CCDC158: variants seen among roughly 807,000 people sequenced by gnomAD.
CCDC158 encodes the protein coiled-coil domain-containing protein 158.
In CCDC158, 116 loss-of-function variants were observed where a neutral mutation model predicts 138.6. The ratio of observed to expected loss-of-function variants is 0.84; its 90% CI spans 0.72 to 0.98. The LOEUF (loss-of-function observed/expected upper bound fraction) is 0.98. Ranked by LOEUF, CCDC158 falls within the 50% of genes least tolerant of loss-of-function variation. The pLI is 0.00. For missense variants in CCDC158, 1,265 were observed against 1,306.1 expected (o/e 0.97, Z 0.48); for synonymous variants, 436 against 442.4 (o/e 0.99, Z 0.18).
chr4:76,316,580 C>G (rs1227851), intron 24 of CCDC158, among the ~76,000 whole-genome samples: 1 of 152,010 alleles, frequency 6.6e-6, no homozygotes, highest in Non-Finnish European at 1.5e-5. Context: ...CACTAGTGAT[C>G]TAGACATTCA....
chr4:76,326,196 G>A (rs988891188), intron 22 of CCDC158, among the ~76,000 whole-genome samples, 181 bp from the exon 23 acceptor site: 3 of 152,094 alleles, frequency 2.0e-5, no homozygotes, highest in African/African-American at 7.2e-5. Context: ...TGGGAATAAG[G>A]GTGAACAGAA....
At chr4:76,346,191 C>CA (rs1340037658) in intron 18 of CCDC158, among the ~76,000 whole-genome samples, 1 of 152,094 alleles carries the variant, frequency 6.6e-6, no homozygotes, top group Non-Finnish European at 1.5e-5. Context: ...TAGCCATATA[C>CA]AAAAAACTGA....
chr4:76,401,500 C>A, intron 3 of CCDC158: 1 of 243,010 alleles, frequency 4.1e-6, no homozygotes, highest in Admixed American at 4.8e-5. Context: ...AGAACGCTGG[C>A]AACTAAGAGA....
In CCDC158 at chr4:76,357,529, A is replaced by C; in HGVS notation, c.2021-3T>G. 1 of 1,498,874 alleles carries C rather than the reference A, an allele frequency of 6.7e-7. No homozygotes were observed. The highest frequency in any genetic ancestry group is 1.4e-5 in the South Asian group (1 of 72,490). The allele number at this position is 1,498,874 out of a possible 1,614,324, so 92.8% of individuals were successfully genotyped here. A position where few individuals can be genotyped will look rare whatever the true frequency, so the allele number is the denominator to read the frequency against. ...CCTTTTTAAGACTTCATACTCCTCT[A>C]TACAATGTGATAATCAATAATAGAT... is the stretch of plus-strand genomic sequence containing the variant. On this transcript the variant is annotated splice_region_variant and splice_polypyrimidine_tract_variant and intron_variant, in intron 13 of 24. Transcript: ENST00000682701.
At chr4:76,418,145 G>T (rs1729844251) in intron 1 of CCDC158, among the ~76,000 whole-genome samples, 1 of 152,182 alleles carries the variant, frequency 6.6e-6, no homozygotes, top group Non-Finnish European at 1.5e-5. Flanking sequence ...TCCTCCAGCG[G>T]CTGAGTAGAG....
chr4:76,344,995 C>T, intron 18 of CCDC158: 2 of 1,433,124 alleles, frequency 1.4e-6, no homozygotes, highest in South Asian at 1.1e-5. Flanking sequence ...AGGTAGATGA[C>T]TTCTTTGAGC....
At chr4:76,379,451 ATAAGAG>A (rs1726023368) in intron 8 of CCDC158, 47 bp from the exon 9 acceptor site, 2 of 1,166,060 alleles carry the variant, frequency 1.7e-6, no homozygotes, top group African/African-American at 1.5e-5. Context: ...CAAACTAAGA[ATAAGAG>A]TAACACCTGA....
intron 2 of CCDC158, among the ~76,000 whole-genome samples, chr4:76,409,314 G>GT (rs1169892905): frequency 6.7e-6 from 1 of 149,288 alleles, no homozygotes; most frequent in Non-Finnish European, 1.5e-5. Flanking sequence ...AAAAAGCAAG[G>GT]TTTTTTGCTT....
intron 18 of CCDC158, among the ~76,000 whole-genome samples, chr4:76,346,254 T>A (rs919613682): frequency 4.6e-5 from 7 of 152,184 alleles, no homozygotes; most frequent in African/African-American, 1.7e-4. Flanking sequence ...ATTAAAGACT[T>A]AAATGTAAGA....
intron 22 of CCDC158, among the ~76,000 whole-genome samples, chr4:76,328,228 G>A (rs1419881903): frequency 6.6e-6 from 1 of 152,112 alleles, no homozygotes; most frequent in Admixed American, 6.6e-5. Context: ...TGATTCTTCT[G>A]CTTTTCCTTT....
At chr4:76,406,294 T>C (rs966362221) in intron 2 of CCDC158, among the ~76,000 whole-genome samples, 8 of 152,250 alleles carry the variant, frequency 5.3e-5, no homozygotes, top group African/African-American at 1.7e-4. Flanking sequence ...AATAAAGATA[T>C]GTACCATATA....
intron 18 of CCDC158, among the ~76,000 whole-genome samples, chr4:76,338,434 C>A (rs182188408): frequency 6.6e-6 from 1 of 152,138 alleles, no homozygotes; most frequent in Non-Finnish European, 1.5e-5. Context: ...ATCGCTTGAA[C>A]CTGGGAGGCA....
chr4:76,395,399 G>T (rs1727688301), intron 4 of CCDC158, among the ~76,000 whole-genome samples: 1 of 152,100 alleles, frequency 6.6e-6, no homozygotes, highest in Non-Finnish European at 1.5e-5. Flanking sequence ...GAACAATGTG[G>T]TAATGAGTAA....
rs748758255 is a variant in CCDC158, at chr4:76,396,431, T to C, written c.126A>G (p.Thr42=). ...SSIRGTIIEN[T]SSAGTLTQVP... ...CCTGTGTCAAAGTCCCAGCTGAAGATGTGTTTTCAATTATTGTACCACGAA... is the reference window on the plus strand; with the variant it reads ...CCTGTGTCAAAGTCCCAGCTGAAGACGTGTTTTCAATTATTGTACCACGAA... Residue 42 remains threonine, a synonymous_variant, in exon 4 of 25, where the codon ACA becomes ACG. Transcript: ENST00000682701. The C allele has an allele frequency of 1.9e-6, 3 of 1,614,076 alleles. No homozygotes were observed. Among genetic ancestry groups the C allele is most frequent in the Non-Finnish European group, 2.5e-6 (3 of 1,179,956 alleles).
chr4:76,381,850 T>G (rs1336900166), intron 8 of CCDC158, among the ~76,000 whole-genome samples: 1 of 151,844 alleles, frequency 6.6e-6, no homozygotes, highest in African/African-American at 2.4e-5. Context: ...CCCAGCTAAT[T>G]TTTTGTATTT....
intron 18 of CCDC158, chr4:76,345,450 G>C: frequency 2.1e-6 from 2 of 935,878 alleles, no homozygotes; most frequent in South Asian, 2.6e-5. Context: ...ATCTGCAAAA[G>C]AAGAACTGAT....
chr4:76,395,707 G>A (rs1031311672), intron 4 of CCDC158, among the ~76,000 whole-genome samples: 2 of 152,166 alleles, frequency 1.3e-5, no homozygotes, highest in African/African-American at 4.8e-5. Flanking sequence ...ACCAGGGAGA[G>A]GTTAGAGCAT....
intron 3 of CCDC158, among the ~76,000 whole-genome samples, chr4:76,398,729 A>G (rs2109844665): frequency 6.6e-6 from 1 of 151,962 alleles, no homozygotes; most frequent in South Asian, 2.1e-4. Context: ...AGTATAATCT[A>G]AATCTGAACA....
At chr4:76,380,093 A>G (rs7691177) in intron 8 of CCDC158, among the ~76,000 whole-genome samples, 4,475 of 152,262 alleles carry the variant, frequency 0.029, 220 homozygotes, top group African/African-American at 0.1. Flanking sequence ...CCAGTCTTGG[A>G]TAGTTCTTTA....
Sources: gnomAD v4.1 joint callset for allele counts (sites outside exome capture counted in the v4.1 genomes callset) on GRCh38, gnomAD v4.1.1 for gene constraint, MANE v1.5 for transcripts, NCBI Gene and HGNC (gene_info 2026-07-23, HGNC 2026-07-21) for gene names.